Variants in VIPR1 observed in about 807,000 individuals in gnomAD.
VIPR1 encodes vasoactive intestinal polypeptide receptor 1.
In VIPR1, 59 loss-of-function variants were observed where a neutral mutation model predicts 58.8. That is an observed-to-expected ratio of 1.00 (90% confidence interval 0.81 to 1.25). The LOEUF (loss-of-function observed/expected upper bound fraction) is 1.25. Among genes scored for constraint, VIPR1 ranks in the 50% most tolerant of loss-of-function variants. VIPR1 has a pLI of 0.00. For synonymous variants in VIPR1, 251 were observed against 242.1 expected (o/e 1.04, Z -0.34); for missense variants, 626 against 602.7 (o/e 1.04, Z -0.40).
intron 9 of VIPR1, 103 bp from the exon 10 acceptor site, chr3:42,532,138 AG>A: frequency 8.4e-7 from 1 of 1,193,850 alleles, no homozygotes; most frequent in Non-Finnish European, 1.2e-6. Context: ...AGATAGAGAG[AG>A]GGGCAGCAGG....
intron 6 of VIPR1, chr3:42,528,799 A>G (rs1332633509): frequency 6.6e-6 from 1 of 152,396 alleles, no homozygotes; most frequent in Non-Finnish European, 1.5e-5. Flanking sequence ...GCCCCCACTC[A>G]TTCCTTGTGG....
At chr3:42,535,441 G>A (rs553097595) in intron 12 of VIPR1, 57 bp downstream of exon 12, 740 of 1,577,686 alleles carry the variant, frequency 4.7e-4, no homozygotes, top group African/African-American at 1.1e-3. Flanking sequence ...ACCAGGGTCC[G>A]GAAACATTGG....
chr3:42,527,057 G>A (rs922048089), intron 4 of VIPR1, among the ~76,000 whole-genome samples: 1 of 152,048 alleles, frequency 6.6e-6, no homozygotes, highest in African/African-American at 2.4e-5. Context: ...GGCACAGAAG[G>A]GAAGCCGGGC....
intron 1 of VIPR1, among the ~76,000 whole-genome samples, chr3:42,492,831 ACAGGAGGCTGCGCCCTGGACAC>A (rs1289245077): frequency 6.6e-6 from 1 of 152,192 alleles, no homozygotes; most frequent in Non-Finnish European, 1.5e-5. Flanking sequence ...TGCAGGGTAC[ACAGGAGGCTGCGCCCTGGACAC>A]CAGGCCCCAG....
intron 1 of VIPR1, among the ~76,000 whole-genome samples, chr3:42,513,132 T>C (rs1481518376): frequency 1.4e-5 from 2 of 146,186 alleles, no homozygotes; most frequent in African/African-American, 2.8e-5. Context: ...TCAGTAGATC[T>C]GGTATAGCTT....
intron 3 of VIPR1, among the ~76,000 whole-genome samples, chr3:42,520,424 G>A (rs1296068240): frequency 2.6e-5 from 4 of 152,194 alleles, no homozygotes. Flanking sequence ...AATTCTAGGA[G>A]TGTAAACAGG....
rs1293632250 is a variant in VIPR1, at chr3:42,525,930, C to T, written c.336C>T (p.His112=). ...SRSCTDEGWT[H]LEPGPYPIAC... ...GCTGCACCGACGAAGGCTGGACGCA[C>T]CTGGAGCCTGGCCCGTACCCCATTG... Residue 112 remains histidine, a synonymous_variant, in exon 4 of 13, where the codon CAC becomes CAT. Transcript: ENST00000325123. 1.2e-6 allele frequency: 2 copies of T among 1,613,682 alleles called. No individual in the cohort carries two copies. The highest frequency in any genetic ancestry group is 1.7e-5 in the Admixed American group (1 of 59,956).
chr3:42,510,556 G>T (rs1444523638), intron 1 of VIPR1, among the ~76,000 whole-genome samples: 1 of 152,170 alleles, frequency 6.6e-6, no homozygotes, highest in Non-Finnish European at 1.5e-5. Context: ...GTTGACCAGA[G>T]GGTCCAAGGC....
At chr3:42,490,561 A>G (rs1264186134) in intron 1 of VIPR1, among the ~76,000 whole-genome samples, 3 of 152,186 alleles carry the variant, frequency 2.0e-5, no homozygotes, top group African/African-American at 7.2e-5. Flanking sequence ...GAAGTCCCTT[A>G]CCAAGTAAGC....
intron 2 of VIPR1, among the ~76,000 whole-genome samples, chr3:42,515,443 C>T (rs1365566790): frequency 6.6e-6 from 1 of 152,218 alleles, no homozygotes; most frequent in African/African-American, 2.4e-5. Context: ...TGCAGACAGG[C>T]TTTGGCAGGC....
intron 3 of VIPR1, among the ~76,000 whole-genome samples, chr3:42,523,336 C>T (rs1184633170): frequency 1.3e-5 from 2 of 152,034 alleles, no homozygotes; most frequent in African/African-American, 4.8e-5. Context: ...AGAGATGACC[C>T]ATTGTCCCCT....
intron 2 of VIPR1, among the ~76,000 whole-genome samples, chr3:42,514,204 G>A (rs1305665746): frequency 1.3e-5 from 2 of 152,192 alleles, no homozygotes; most frequent in Admixed American, 6.5e-5. Flanking sequence ...TATGTGGTGG[G>A]GGATCTGTGA....
chr3:42,503,534 G>A (rs1259614484), intron 1 of VIPR1, among the ~76,000 whole-genome samples: 1 of 152,162 alleles, frequency 6.6e-6, no homozygotes, highest in Non-Finnish European at 1.5e-5. Context: ...GTATGTGTAT[G>A]CCCTTGATAC....
intron 1 of VIPR1, among the ~76,000 whole-genome samples, chr3:42,495,340 T>C (rs533563114): frequency 6.2e-4 from 95 of 152,172 alleles, no homozygotes; most frequent in Admixed American, 3.2e-3. Flanking sequence ...CCAGGATGGT[T>C]TCCATCTCCT....
intron 1 of VIPR1, among the ~76,000 whole-genome samples, chr3:42,491,064 G>A (rs1354501759): frequency 2.0e-5 from 3 of 151,986 alleles, no homozygotes; most frequent in African/African-American, 7.3e-5. Flanking sequence ...ACACCACAGG[G>A]GCACAAGCAG....
At chr3:42,498,051 C>A (rs1307611723), upstream of VIPR1, among the ~76,000 whole-genome samples, 1 of 152,160 alleles carries the variant, frequency 6.6e-6, no homozygotes, top group Non-Finnish European at 1.5e-5. Context: ...AAGGGTAGGA[C>A]CTAGGTCCCC....
At chr3:42,531,207 C>T in intron 7 of VIPR1, 1 of 612,004 alleles carries the variant, frequency 1.6e-6, no homozygotes, top group Non-Finnish European at 2.9e-6. Flanking sequence ...CACAGGGCCA[C>T]TGCTAATCTA....
intron 2 of VIPR1, among the ~76,000 whole-genome samples, chr3:42,518,933 C>T (rs936749994): frequency 9.9e-5 from 15 of 152,180 alleles, no homozygotes; most frequent in African/African-American, 3.4e-4. Context: ...CAGTGAGGCC[C>T]CCCTATTGCT....
intron 7 of VIPR1, 110 bp from the exon 8 acceptor site, chr3:42,531,361 C>T (rs1315362957): frequency 3.0e-5 from 36 of 1,197,172 alleles, no homozygotes; most frequent in Non-Finnish European, 2.9e-5. Context: ...ACAACCCACC[C>T]TTTTCTCTCT....
Sources: allele counts gnomAD v4.1 joint callset (sites outside exome capture counted in the v4.1 genomes callset), GRCh38; gene constraint gnomAD v4.1.1; transcripts MANE v1.5; gene names NCBI Gene and HGNC (gene_info 2026-07-23, HGNC 2026-07-21).